Variants in MLIP observed in about 807,000 individuals in gnomAD.
MLIP encodes muscular LMNA-interacting protein.
A neutral mutation model predicts 84.8 loss-of-function variants in MLIP; 79 were observed. The ratio of observed to expected loss-of-function variants is 0.93; its 90% CI spans 0.78 to 1.12. The LOEUF is 1.12. MLIP is among the 50% of genes most tolerant of loss of function. The pLI is 0.00. For missense variants in MLIP, 1,257 were observed against 1,160.6 expected (o/e 1.08, Z -1.21); for synonymous variants, 504 against 463.0 (o/e 1.09, Z -1.14).
At chr6:54,100,285 C>T (rs1002023463) in intron 1 of MLIP, among the ~76,000 whole-genome samples, 1 of 121,776 alleles carries the variant, frequency 8.2e-6, no homozygotes, top group African/African-American at 3.1e-5. Flanking sequence ...TGTGGACAAG[C>T]TTGATAAGTA....
At chr6:54,086,365 C>T (rs1323842008) in intron 1 of MLIP, among the ~76,000 whole-genome samples, 1 of 152,160 alleles carries the variant, frequency 6.6e-6, no homozygotes, top group African/African-American at 2.4e-5. Context: ...GGTTCTTTCT[C>T]TTCTTACCCC....
intron 4 of MLIP, among the ~76,000 whole-genome samples, chr6:54,145,883 G>A (rs4715447): frequency 0.31 from 46,354 of 150,778 alleles, 7,465 homozygotes; most frequent in African/African-American, 0.39. Flanking sequence ...ATCAGTTAAT[G>A]TCCACCAAGT....
chr6:54,111,115 T>C (rs499594), upstream of MLIP, among the ~76,000 whole-genome samples: 43,879 of 152,194 alleles, frequency 0.29, 6,488 homozygotes, highest in Admixed American at 0.34. Flanking sequence ...TTCAATCAGC[T>C]TCTCATTGCT....
intron 12 of MLIP, among the ~76,000 whole-genome samples, chr6:54,236,590 G>T (rs1354091092): frequency 7.9e-6 from 1 of 126,486 alleles, no homozygotes; most frequent in African/African-American, 3.1e-5. Flanking sequence ...CAATAAGAGC[G>T]AAACTCAGTC....
chr6:54,028,566 C>T (rs1281392010), intron 1 of MLIP, among the ~76,000 whole-genome samples: 2 of 152,142 alleles, frequency 1.3e-5, no homozygotes, highest in Non-Finnish European at 2.9e-5. Context: ...GGAAATAAAA[C>T]CTTTTTTCAT....
intron 3 of MLIP, among the ~76,000 whole-genome samples, chr6:54,126,668 A>G (rs1770943434): frequency 6.6e-6 from 1 of 152,176 alleles, no homozygotes; most frequent in Non-Finnish European, 1.5e-5. Context: ...ACTAAGGAGA[A>G]ATGACCAGAG....
chr6:54,071,921 T>C (rs1001327061), intron 1 of MLIP, among the ~76,000 whole-genome samples: 5 of 152,224 alleles, frequency 3.3e-5, no homozygotes, highest in African/African-American at 1.2e-4. Context: ...CTCACAATCA[T>C]GTAGACCCTA....
At chr6:54,253,192 T>G (rs1367399403) in intron 12 of MLIP, among the ~76,000 whole-genome samples, 1 of 152,112 alleles carries the variant, frequency 6.6e-6, no homozygotes, top group Non-Finnish European at 1.5e-5. Context: ...CAGACAGTAT[T>G]TGATGTGGGT....
chr6:54,173,285 A>G (rs1164032521), intron 9 of MLIP, among the ~76,000 whole-genome samples: 5 of 151,848 alleles, frequency 3.3e-5, no homozygotes, highest in African/African-American at 9.7e-5. Context: ...TTGTAGAAGT[A>G]TAAGTACATA....
chr6:54,206,058 G>C (rs1473412964), intron 11 of MLIP, among the ~76,000 whole-genome samples: 1 of 152,076 alleles, frequency 6.6e-6, no homozygotes, highest in Admixed American at 6.6e-5. Flanking sequence ...AAGACATACA[G>C]GCTCAGAAAA....
chr6:54,158,397 CT>C, intron 5 of MLIP, among the ~76,000 whole-genome samples: 1 of 152,206 alleles, frequency 6.6e-6, no homozygotes, highest in East Asian at 1.9e-4. Context: ...CGATATTTCT[CT>C]TGAAAATAAC....
At chr6:54,132,533 T>G (rs1247464338) in intron 3 of MLIP, among the ~76,000 whole-genome samples, 1 of 152,012 alleles carries the variant, frequency 6.6e-6, no homozygotes, top group African/African-American at 2.4e-5. Context: ...TTCCTTGGAG[T>G]AAAGAAATCT....
chr6:54,202,307 A>T (rs1778746512), intron 11 of MLIP, 74 bp downstream of exon 11: 4 of 754,370 alleles, frequency 5.3e-6, no homozygotes, highest in East Asian at 5.8e-5. Flanking sequence ...TAAATATATA[A>T]ATATATTTTG....
At chr6:54,151,008 A>G (rs1228663344) in intron 5 of MLIP, among the ~76,000 whole-genome samples, 1 of 152,226 alleles carries the variant, frequency 6.6e-6, no homozygotes, top group African/African-American at 2.4e-5. Context: ...TGTTCATACA[A>G]AAAATATAAA....
At chr6:54,089,633 C>T (rs1239335834) in intron 1 of MLIP, among the ~76,000 whole-genome samples, 1 of 151,984 alleles carries the variant, frequency 6.6e-6, no homozygotes, top group Admixed American at 6.6e-5. Context: ...AATCAGAATC[C>T]ATCTCAAAAA....
chr6:54,234,186 C>A (rs889896032), intron 12 of MLIP, among the ~76,000 whole-genome samples: 1 of 152,032 alleles, frequency 6.6e-6, no homozygotes, highest in Admixed American at 6.6e-5. Flanking sequence ...CCTCTAGTTC[C>A]TTTGTCTGAG....
At chr6:54,021,207 G>C (rs1763482025) in intron 1 of MLIP, among the ~76,000 whole-genome samples, 1 of 152,040 alleles carries the variant, frequency 6.6e-6, no homozygotes, top group South Asian at 2.1e-4. Flanking sequence ...TTTTTGTGGA[G>C]TTCACTATTT....
chr6:54,255,139 C>T (rs1240981203), intron 12 of MLIP, among the ~76,000 whole-genome samples: 2 of 152,096 alleles, frequency 1.3e-5, no homozygotes, highest in African/African-American at 4.8e-5. Context: ...ATTCACTTCC[C>T]CTGTCTCTCT....
chr6:54,095,363 G>A (rs538836251), intron 1 of MLIP, among the ~76,000 whole-genome samples: 1 of 151,864 alleles, frequency 6.6e-6, no homozygotes, highest in South Asian at 2.1e-4. Flanking sequence ...GAGGAAGGTG[G>A]GTCTCAGCTA....
Sources: allele counts gnomAD v4.1 joint callset (sites outside exome capture counted in the v4.1 genomes callset), GRCh38; gene constraint gnomAD v4.1.1; transcripts MANE v1.5; gene names NCBI Gene and HGNC (gene_info 2026-07-23, HGNC 2026-07-21).